The following EIF3B variants were observed in gnomAD, a reference collection of about 807,000 sequenced individuals.
EIF3B encodes the protein eukaryotic translation initiation factor 3 subunit B.
Under a neutral mutation model 104.6 loss-of-function variants are expected in EIF3B, and 10 were observed. The ratio of observed to expected loss-of-function variants is 0.10; its 90% CI spans 0.06 to 0.16. The LOEUF (loss-of-function observed/expected upper bound fraction) is 0.16. Among genes scored for constraint, EIF3B ranks in the 10% least tolerant of loss-of-function variants. The pLI, the probability that EIF3B is intolerant of heterozygous loss-of-function variation, is 1.00. For synonymous variants in EIF3B, 542 were observed against 417.2 expected (o/e 1.30, Z -3.65); for missense variants, 1,014 against 1,087.9 (o/e 0.93, Z 0.96).
chr7:2,371,984 C>T, intron 11 of EIF3B, 135 bp downstream of exon 11: 1 of 709,106 alleles, frequency 1.4e-6, no homozygotes, highest in Admixed American at 2.3e-5. Flanking sequence ...ATAGTCATCT[C>T]CAGGTCACAG....
chr7:2,360,459 G>C (rs1273292738), intron 1 of EIF3B, among the ~76,000 whole-genome samples: 2 of 152,044 alleles, frequency 1.3e-5, no homozygotes, highest in Non-Finnish European at 2.9e-5. Flanking sequence ...TGTAGTCTTT[G>C]GTTATTACCA....
In EIF3B at chr7:2,376,958, C is replaced by T. The variant is rs752399243; in HGVS notation, c.2037C>T (p.Asn679=). Residue 679 remains asparagine (N), a synonymous_variant, in exon 15 of 19, where the codon AAC becomes AAT. Coordinates refer to ENST00000360876, the MANE Select transcript of EIF3B (RefSeq NM_001037283.2). The stretch of plus-strand genomic sequence containing the variant: ...TCCCTGCCCTGGCCTAGGTGGACAA[C>T]GCGTACTGGCTGTGGACTTTCCAGG... The part of the protein sequence containing the change: ...SVSWWSHKVD[N]AYWLWTFQGR... 2.9e-5 allele frequency: 46 copies of T among 1,613,692 alleles called. No homozygotes were observed. The highest frequency in any genetic ancestry group is 1.8e-4 in the East Asian group (8 of 44,852).
rs1361883951 is a variant in EIF3B at position 2,360,829 on chromosome 7, A to G, written c.619A>G (p.Ile207Val). Residue 207 changes from isoleucine (I) to valine (V), a missense_variant, in exon 2 of 19, where the codon ATC becomes GTC. This residue lies in a region of EIF3B where 488 missense variants were observed against 404.3 expected (regional missense o/e 1.21). Coordinates refer to ENST00000360876, the MANE Select transcript of EIF3B (RefSeq NM_001037283.2). ...PDRLEKLKNV[I>V]HKIFSKFGKI... is the part of the protein sequence containing the mutation. Reference sequence around the variant, plus strand: ...CCGACTTGAGAAACTCAAAAATGTCATCCACAAGATCTTTTCCAAGTTTGG... The same window carrying G: ...CCGACTTGAGAAACTCAAAAATGTCGTCCACAAGATCTTTTCCAAGTTTGG... The G allele has an allele frequency of 5.0e-6, 8 of 1,613,852 alleles. No individual in the cohort carries two copies. The East Asian group carries it at 1.3e-4, about 27-fold the overall frequency.
intron 9 of EIF3B, among the ~76,000 whole-genome samples, chr7:2,368,313 T>C (rs964234653): frequency 6.6e-6 from 1 of 151,982 alleles, no homozygotes; most frequent in Non-Finnish European, 1.5e-5. Context: ...CCAGCTAATT[T>C]TTTGTATATT....
In EIF3B at chr7:2,374,580, G is replaced by C; in HGVS notation, c.1863G>C (p.Gln621His). 1 of 1,614,106 alleles carries C rather than the reference G, an allele frequency of 6.2e-7. No individual in the cohort carries two copies. Among genetic ancestry groups the C allele is most frequent in the Non-Finnish European group, 8.5e-7 (1 of 1,179,962 alleles). ...CCATCTTCTGGAGCCCCCAAGGACA[G>C]TTCGTGGTGTTGGCGGGCCTGAGGA... ...ANTIFWSPQG[Q>H]FVVLAGLRSM... is the part of the protein sequence containing the mutation. The change falls in exon 13 of 19, where the codon CAG (glutamine) becomes CAC (histidine). Residue 621 changes from glutamine (Q) to histidine (H), a missense_variant. Gln to His is a conservative substitution (Grantham distance 24). Transcript: ENST00000360876.
At chr7:2,367,153 T>A in intron 9 of EIF3B, 108 bp downstream of exon 9, 1 of 1,074,054 alleles carries the variant, frequency 9.3e-7, no homozygotes, top group Non-Finnish European at 1.3e-6. Flanking sequence ...TTATGACAGC[T>A]GAGATTTCTT....
In EIF3B at chr7:2,372,806, T is replaced by C. The variant is rs1433969891; in HGVS notation, c.1810+11T>C. 5.0e-6 allele frequency: 8 copies of C among 1,612,976 alleles called. No individual in the cohort carries two copies. Among genetic ancestry groups the C allele is most frequent in the African/African-American group, 1.3e-5 (1 of 74,908 alleles). ...AGATTGAACTCATCAGTAAGTAACC[T>C]GGTCCCTTTCCTCTTCTGAGTAGGT... On this transcript the variant is annotated intron_variant, in intron 12 of 18. Transcript: ENST00000360876.
rs992499558 is a variant in EIF3B, at chr7:2,355,083, G to A, written c.162G>A (p.Glu54=). ...CGGGGACCGAGGCCTCCAGTGAGGAGGTGGGGATCGCGGAGGCCGGGCCGG... is the reference window on the plus strand; with the variant it reads ...CGGGGACCGAGGCCTCCAGTGAGGAAGTGGGGATCGCGGAGGCCGGGCCGG... ...EAAGTEASSE[E]VGIAEAGPES... Residue 54 remains glutamate (E), a synonymous_variant, in exon 1 of 19, where the codon GAG becomes GAA. Transcript: ENST00000360876. 2 of 1,328,754 alleles carry A rather than the reference G, an allele frequency of 1.5e-6. No homozygotes were observed. The highest frequency in any genetic ancestry group is 9.6e-7 in the Non-Finnish European group (1 of 1,043,870). 82.3% of individuals were successfully genotyped at this position (1,328,754 alleles called of 1,614,324 possible).
chr7:2,379,414 G>A lies in EIF3B; in HGVS notation c.2362G>A (p.Asp788Asn), dbSNP rs1780873576. 6.3e-7 allele frequency: 1 copy of A among 1,592,938 alleles called. No homozygotes were observed. The highest frequency in any genetic ancestry group is 8.6e-7 in the Non-Finnish European group (1 of 1,169,494). Residue 788 changes from aspartate (D) to asparagine (N), a missense_variant, in exon 18 of 19, where the codon GAC becomes AAC. By Grantham distance (23) the Asp-to-Asn change is conservative (BLOSUM62 1). Transcript: ENST00000360876. The stretch of plus-strand genomic sequence containing the variant: ...CTCAGGGGTGGACACTGACGAGCTG[G>A]ACAGCAACGTGGACGACTGGGAAGA... ...LRGGVDTDEL[D>N]SNVDDWEEET...
At chr7:2,372,039 A>T (rs1780370688) in intron 11 of EIF3B, 190 bp downstream of exon 11, 1 of 568,600 alleles carries the variant, frequency 1.8e-6, no homozygotes. Context: ...CTCTCTGTAC[A>T]AAAAACAAAT....
chr7:2,379,323 C>T (rs1343029435), intron 17 of EIF3B, 71 bp from the exon 18 acceptor site: 10 of 1,555,180 alleles, frequency 6.4e-6, no homozygotes, highest in Non-Finnish European at 8.8e-6. Context: ...TCCTGCGTTC[C>T]TTCCCACTGG....
At chr7:2,368,420 G>A (rs868072070) in intron 9 of EIF3B, among the ~76,000 whole-genome samples, 28 of 152,344 alleles carry the variant, frequency 1.8e-4, no homozygotes, top group Middle Eastern at 3.4e-3. Flanking sequence ...AAAGTGCAGG[G>A]ATTACAGGTG....
intron 9 of EIF3B, among the ~76,000 whole-genome samples, chr7:2,368,075 C>T (rs866739109): frequency 6.6e-6 from 1 of 150,926 alleles, no homozygotes; most frequent in East Asian, 2.0e-4. Context: ...AACTCCTGAC[C>T]TCAAGTGATC....
chr7:2,374,819 C>T, intron 13 of EIF3B: 2 of 453,374 alleles, frequency 4.4e-6, no homozygotes, highest in Non-Finnish European at 7.8e-6. Flanking sequence ...AATAAGCGCT[C>T]CCAGATGCTT....
In EIF3B at chr7:2,355,232, A is replaced by C. The variant is rs968564670; in HGVS notation, c.311A>C (p.Gln104Pro). The change falls in exon 1 of 19, where the codon CAG (glutamine) becomes CCG (proline). Residue 104 changes from glutamine (Q) to proline (P), a missense_variant. Transcript: ENST00000360876. ...CATGCTGAGCCCCCTGTCCCGGCAC[A>C]GGGCGAGGCCCCAGGAGAGCAGGCT... Reference protein sequence around the residue: ...GSHAEPPVPAQGEAPGEQARD... With the variant: ...GSHAEPPVPAPGEAPGEQARD... 1.7e-5 allele frequency: 26 copies of C among 1,503,108 alleles called. No individual in the cohort carries two copies. In the African/African-American group the frequency reaches 3.8e-4, roughly 22 times the overall value. 93.1% of individuals were successfully genotyped at this position (1,503,108 alleles called of 1,614,324 possible). A position where few individuals can be genotyped will look rare whatever the true frequency, so the allele number is the denominator to read the frequency against.
rs185762794 is a variant in EIF3B at position 2,355,299 on chromosome 7, G to C, written c.378G>C (p.Glu126Asp). The C allele has an allele frequency of 8.5e-4, 1,305 of 1,539,104 alleles. 13 individuals are homozygous for C. In the African/African-American group the frequency reaches 0.015, roughly 17 times the overall value. Residue 126 changes from glutamate to aspartate, a missense_variant, in exon 1 of 19, where the codon GAG becomes GAC. Glu to Asp is a conservative substitution (Grantham distance 45, BLOSUM62 2). This residue lies in a region of EIF3B where 488 missense variants were observed against 404.3 expected (regional missense o/e 1.21). Transcript: ENST00000360876. Reference sequence around the variant, plus strand: ...ACAGCCGGGCCCAGGCGGTGTCCGAGGACGCGGGAGGAAACGAGGGCAGAG... The same window carrying C: ...ACAGCCGGGCCCAGGCGGTGTCCGACGACGCGGGAGGAAACGAGGGCAGAG... ...RSDSRAQAVSEDAGGNEGRAA... is the reference protein window; with the variant it reads ...RSDSRAQAVSDDAGGNEGRAA...
At chr7:2,359,624 A>G (rs1347638889) in intron 1 of EIF3B, among the ~76,000 whole-genome samples, 1 of 152,214 alleles carries the variant, frequency 6.6e-6, no homozygotes, top group African/African-American at 2.4e-5. Context: ...GCAGTAAATT[A>G]ATGGAACCCA....
rs892472286 is a variant in EIF3B, at chr7:2,362,596, T to C, written c.693-49T>C. 3.7e-6 allele frequency: 6 copies of C among 1,610,800 alleles called. No individual in the cohort carries two copies. In the African/African-American group the frequency reaches 8.0e-5, roughly 22 times the overall value. On this transcript the variant is annotated intron_variant, in intron 2 of 18. Coordinates refer to ENST00000360876, the MANE Select transcript of EIF3B (RefSeq NM_001037283.2). ...AGGGGTGGGGCGGACAGCGCATACCTGCCTAGCCTTACAGTGTGGGTATGT... is the reference window on the plus strand; with the variant it reads ...AGGGGTGGGGCGGACAGCGCATACCCGCCTAGCCTTACAGTGTGGGTATGT...
intron 13 of EIF3B, chr7:2,374,955 G>A (rs1004518809): frequency 1.1e-4 from 32 of 300,298 alleles, no homozygotes; most frequent in East Asian, 1.2e-4. Context: ...AAGGGTATTC[G>A]TTACACAGCT....
Sources: allele counts gnomAD v4.1 joint callset (sites outside exome capture counted in the v4.1 genomes callset), GRCh38; gene constraint gnomAD v4.1.1; regional missense constraint gnomAD v4.1.1; transcripts MANE v1.5; gene names NCBI Gene and HGNC (gene_info 2026-07-23, HGNC 2026-07-21).